COPG2: variants seen among roughly 807,000 people sequenced by gnomAD.
The protein encoded by COPG2 is coatomer subunit gamma-2.
A neutral mutation model predicts 46.3 loss-of-function variants in COPG2; 37 were observed. The ratio of observed to expected loss-of-function variants is 0.80; its 90% confidence interval spans 0.61 to 1.05. The LOEUF is 1.05. COPG2 is among the 50% of genes least tolerant of loss of function. The pLI is 0.00. For synonymous variants in COPG2, 159 were observed against 129.7 expected, an observed-to-expected ratio of 1.23 and a Z score of -1.53; for missense variants, 427 against 387.8, an observed-to-expected ratio of 1.10 and a Z score of -0.85.
At chr7:130,649,096 A>T (rs1275911530) in intron 5 of COPG2, among the ~76,000 whole-genome samples, 5 of 152,250 alleles carry the variant, frequency 3.3e-5, no homozygotes, top group African/African-American at 1.2e-4. Context: ...TTGCCTAGAT[A>T]ATCCCATCTC....
chr7:130,534,897 T>C (rs1799863486), intron 20 of COPG2, among the ~76,000 whole-genome samples: 2 of 151,962 alleles, frequency 1.3e-5, no homozygotes, highest in Non-Finnish European at 2.9e-5. Flanking sequence ...GTAGCGGGAC[T>C]GGCTATAGAG....
chr7:130,644,383 T>G (rs1204886472), intron 5 of COPG2, among the ~76,000 whole-genome samples: 1 of 152,156 alleles, frequency 6.6e-6, no homozygotes, highest in South Asian at 2.1e-4. Flanking sequence ...CTTCAGACCA[T>G]AGTAGAAAGT....
chr7:130,603,949 T>C (rs1479218127), intron 9 of COPG2: 1 of 449,568 alleles, frequency 2.2e-6, no homozygotes, highest in East Asian at 7.0e-5. Flanking sequence ...TTATATGTAA[T>C]ATATATTGTA....
At chr7:130,665,936 T>C (rs903674803) in intron 3 of COPG2, among the ~76,000 whole-genome samples, 1 of 152,102 alleles carries the variant, frequency 6.6e-6, no homozygotes, top group South Asian at 2.1e-4. Context: ...TTGTCTGCTA[T>C]ATCCCCAACA....
chr7:130,545,776 C>T (rs1452822302), intron 20 of COPG2, among the ~76,000 whole-genome samples: 3 of 151,920 alleles, frequency 2.0e-5, no homozygotes, highest in Non-Finnish European at 4.4e-5. Flanking sequence ...AATCTCTGGG[C>T]TAATTTGTAA....
At chr7:130,627,536 C>T (rs1426356952) in intron 5 of COPG2, among the ~76,000 whole-genome samples, 1 of 152,156 alleles carries the variant, frequency 6.6e-6, no homozygotes, top group Admixed American at 6.5e-5. Flanking sequence ...GGCCATTGCA[C>T]CCTAGCAACA....
intron 6 of COPG2, among the ~76,000 whole-genome samples, chr7:130,615,071 C>A (rs1422964514): frequency 6.6e-6 from 1 of 152,134 alleles, no homozygotes; most frequent in Non-Finnish European, 1.5e-5. Context: ...TGAGAGAAGT[C>A]AAAAAGGATG....
intron 20 of COPG2, among the ~76,000 whole-genome samples, chr7:130,534,465 C>T (rs964131694): frequency 2.0e-5 from 3 of 151,778 alleles, no homozygotes; most frequent in African/African-American, 2.4e-5. Flanking sequence ...GTGCAGCTTT[C>T]GAAGCAAAAT....
intron 9 of COPG2, among the ~76,000 whole-genome samples, chr7:130,566,909 G>C (rs1173092347): frequency 1.3e-5 from 2 of 152,214 alleles, no homozygotes; most frequent in East Asian, 3.9e-4. Flanking sequence ...GGTACAGTTT[G>C]GACTAACAGT....
At chr7:130,529,872 C>G (rs982808448) in intron 20 of COPG2, among the ~76,000 whole-genome samples, 4 of 152,190 alleles carry the variant, frequency 2.6e-5, no homozygotes, top group African/African-American at 9.7e-5. Flanking sequence ...ATCCACGTTT[C>G]TGCTGTTTAA....
At position 130,507,136 on chromosome 7, in the gene COPG2, T is replaced by C. The variant is rs1161511788; in HGVS notation, c.2485+138A>G. ...ACCAAGAATAGCATGCAAAACAAAT[T>C]ATTCATTTTGACTGGGTATCAAATT... On this transcript the variant is annotated intron_variant, in intron 23 of 23. Transcript: ENST00000425248. The C allele has an allele frequency of 4.5e-6, 3 of 672,288 alleles. No individual in the cohort carries two copies. In the Admixed American group the frequency reaches 7.0e-5, roughly 16 times the overall value. The allele number at this position is 672,288 out of a possible 1,614,324, so 41.6% of individuals were successfully genotyped here.
intron 18 of COPG2, 39 bp from the exon 19 acceptor site, chr7:130,548,581 G>A (rs1440907076): frequency 1.5e-5 from 6 of 398,198 alleles, no homozygotes; most frequent in Non-Finnish European, 2.2e-5. Flanking sequence ...AAGAAGACAG[G>A]GAAAGACTTC....
chr7:130,568,182 G>C (rs1304434040), intron 9 of COPG2, among the ~76,000 whole-genome samples: 1 of 152,152 alleles, frequency 6.6e-6, no homozygotes, highest in Non-Finnish European at 1.5e-5. Flanking sequence ...GGCTGACACA[G>C]GAGAATCACT....
chr7:130,557,832 A>AAAAAAAAC lies in COPG2; in HGVS notation c.1129-2701_1129-2700insGTTTTTTT, dbSNP rs1793654580. On this transcript the variant is annotated intron_variant, in intron 12 of 23. Transcript: ENST00000425248. ...AACTCCATCTCAAAAAAAAAAAAAA[A>AAAAAAAAC]AAAAAATCATGCAAGAATAGCCAGG... Among the ~76,000 whole-genome samples the AAAAAAAAC allele has an allele frequency of 1.4e-5, 2 of 148,004 alleles. 1 individual carries two copies. Among genetic ancestry groups the AAAAAAAAC allele is most frequent in the Non-Finnish European group, 3.0e-5 (2 of 66,930 alleles).
chr7:130,570,458 G>A (rs1005261829), intron 9 of COPG2, among the ~76,000 whole-genome samples: 63 of 152,068 alleles, frequency 4.1e-4, no homozygotes, highest in Middle Eastern at 6.8e-3. Flanking sequence ...TACAATAGCT[G>A]CAATAAAATA....
chr7:130,570,281 A>T (rs1793873384), intron 9 of COPG2, among the ~76,000 whole-genome samples: 1 of 152,208 alleles, frequency 6.6e-6, no homozygotes, highest in African/African-American at 2.4e-5. Context: ...TTCACTGATG[A>T]TATGACTGTC....
intron 9 of COPG2, among the ~76,000 whole-genome samples, chr7:130,589,175 G>A (rs1794349154): frequency 6.6e-6 from 1 of 151,954 alleles, no homozygotes; most frequent in African/African-American, 2.4e-5. Context: ...AAGTAATACT[G>A]GAATTGAAAT....
At chr7:130,667,188 A>G (rs1796102257) in intron 2 of COPG2, among the ~76,000 whole-genome samples, 1 of 152,196 alleles carries the variant, frequency 6.6e-6, no homozygotes, top group Non-Finnish European at 1.5e-5. Flanking sequence ...TATCTATATC[A>G]TACTAATACA....
At chr7:130,622,861 C>T (rs1281410273) in intron 5 of COPG2, among the ~76,000 whole-genome samples, 2 of 152,142 alleles carry the variant, frequency 1.3e-5, no homozygotes, top group Non-Finnish European at 2.9e-5. Flanking sequence ...CAAGAAAGCA[C>T]CAAAATATAC....
Sources: gnomAD v4.1 joint callset for allele counts (sites outside exome capture counted in the v4.1 genomes callset) on GRCh38, gnomAD v4.1.1 for gene constraint, MANE v1.5 for transcripts, NCBI Gene and HGNC (gene_info 2026-07-23, HGNC 2026-07-21) for gene names.